The following KIF5C variants were observed in gnomAD, a reference collection of about 807,000 sequenced individuals.
KIF5C encodes the protein kinesin heavy chain isoform 5C.
KIF5C carries 18 observed loss-of-function variants against 125.2 expected under a neutral mutation model. That is an observed-to-expected ratio of 0.14 (90% CI 0.10 to 0.21). The LOEUF (loss-of-function observed/expected upper bound fraction) is 0.21, where lower values mean the gene tolerates loss of function less well. Among genes scored for constraint, KIF5C ranks in the 10% least tolerant of loss-of-function variants. KIF5C has a pLI of 1.00. For synonymous variants in KIF5C, 405 were observed against 434.0 expected, an observed-to-expected ratio of 0.93 and a Z score of 0.83; for missense variants, 780 against 1,183.8, an observed-to-expected ratio of 0.66 and a Z score of 5.01.
chr2:148,965,891 G>A (rs1683038901), intron 11 of KIF5C, among the ~76,000 whole-genome samples: 1 of 152,012 alleles, frequency 6.6e-6, no homozygotes, highest in Non-Finnish European at 1.5e-5. Flanking sequence ...TAAATATCAC[G>A]CCAAAAAAAG....
At chr2:148,981,191 A>AT (rs1558930472) in intron 13 of KIF5C, among the ~76,000 whole-genome samples, 164 bp from the exon 14 acceptor site, 2 of 152,110 alleles carry the variant, frequency 1.3e-5, no homozygotes, top group Non-Finnish European at 2.9e-5. Context: ...TTTTTCTTTT[A>AT]TTTTTTTATC....
intron 25 of KIF5C, among the ~76,000 whole-genome samples, chr2:149,018,881 G>T (rs996716896): frequency 1.3e-5 from 2 of 151,322 alleles, no homozygotes; most frequent in African/African-American, 2.4e-5. Context: ...TATATATATG[G>T]GTTATATTTA....
chr2:148,904,404 C>T (rs1361509275), intron 1 of KIF5C, among the ~76,000 whole-genome samples: 1 of 152,166 alleles, frequency 6.6e-6, no homozygotes, highest in Non-Finnish European at 1.5e-5. Flanking sequence ...ATAACAGCAT[C>T]GATCTCACGA....
intron 10 of KIF5C, among the ~76,000 whole-genome samples, chr2:148,958,445 C>T (rs1682850006): frequency 6.6e-6 from 1 of 152,144 alleles, no homozygotes; most frequent in Non-Finnish European, 1.5e-5. Flanking sequence ...TGATGTTAAA[C>T]ACCTTTTCAG....
rs1013040737 is a variant in KIF5C, at chr2:149,025,722, G to T, written c.*2652G>T. 1 of 152,268 alleles carries T rather than the reference G, an allele frequency of 6.6e-6. No individual in the cohort carries two copies. Among genetic ancestry groups the T allele is most frequent in the African/African-American group, 2.4e-5 (1 of 41,460 alleles). 9.4% of individuals were successfully genotyped at this position (152,268 alleles called of 1,614,324 possible). A position where few individuals can be genotyped will look rare whatever the true frequency, so the allele number is the denominator to read the frequency against. On this transcript the variant is annotated 3_prime_UTR_variant, in exon 26 of 26. Transcript: ENST00000435030. ...ATGAATAATCTTTATCTGCAGGATG[G>T]TGGATTGGTAAATTAGGAGAATGTT... is the stretch of plus-strand genomic sequence containing the variant.
At position 148,978,912 on chromosome 2, in the gene KIF5C, T is replaced by G; in HGVS notation, c.1294-10T>G. 1 of 1,582,152 alleles carries G rather than the reference T, an allele frequency of 6.3e-7. No individual in the cohort carries two copies. The highest frequency in any genetic ancestry group is 1.2e-5 in the South Asian group (1 of 84,164). On this transcript the variant is annotated splice_polypyrimidine_tract_variant and intron_variant, in intron 12 of 25. Transcript: ENST00000435030. ...CTAACCAAAAAAACAAACATGATGT[T>G]TCGTTTCAGGATGATGAAATTAACC...
intron 11 of KIF5C, among the ~76,000 whole-genome samples, chr2:148,962,360 G>A (rs1321576016): frequency 2.1e-5 from 3 of 142,990 alleles, no homozygotes; most frequent in Non-Finnish European, 4.5e-5. Flanking sequence ...TTTTTTTTTA[G>A]TAGAGATGAG....
chr2:148,877,611 C>G (rs1475856045), intron 1 of KIF5C, among the ~76,000 whole-genome samples: 1 of 152,204 alleles, frequency 6.6e-6, no homozygotes, highest in Non-Finnish European at 1.5e-5. Context: ...TAGTCCCTGC[C>G]CCTTGGCTTG....
chr2:148,936,706 T>G (rs1574767239), intron 3 of KIF5C, among the ~76,000 whole-genome samples: 1 of 152,346 alleles, frequency 6.6e-6, no homozygotes, highest in East Asian at 1.9e-4. Context: ...AGCTAAAAAT[T>G]ATTTGGAACA....
chr2:148,908,969 A>C (rs897277235), intron 1 of KIF5C, among the ~76,000 whole-genome samples: 8 of 152,206 alleles, frequency 5.3e-5, no homozygotes, highest in African/African-American at 1.9e-4. Context: ...ATACCAGCCA[A>C]ATTTCACCTG....
intron 11 of KIF5C, among the ~76,000 whole-genome samples, chr2:148,966,988 A>G (rs949145411): frequency 2.0e-5 from 3 of 152,184 alleles, no homozygotes; most frequent in Non-Finnish European, 4.4e-5. Context: ...GTACTTTCTT[A>G]TAGCAGCTCC....
rs927372060 is a variant in KIF5C, at chr2:148,946,940, A to G, written c.631A>G (p.Ile211Val). ...CTCTAGAAGTCACAGTATCTTCCTG[A>G]TAAATATTAAACAAGAGAATGTAGA... is the stretch of plus-strand genomic sequence containing the variant. ...HSSRSHSIFL[I>V]NIKQENVETE... Residue 211 changes from isoleucine (I) to valine (V), a missense_variant, in exon 8 of 26, where the codon ATA becomes GTA. Coordinates refer to ENST00000435030, the MANE Select transcript of KIF5C (RefSeq NM_004522.3). 8.1e-6 allele frequency: 13 copies of G among 1,613,200 alleles called. No homozygotes were observed. Among genetic ancestry groups the G allele is most frequent in the African/African-American group, 1.3e-5 (1 of 74,868 alleles).
At chr2:148,926,483 G>A (rs1233338342) in intron 2 of KIF5C, among the ~76,000 whole-genome samples, 1 of 152,250 alleles carries the variant, frequency 6.6e-6, no homozygotes, top group Non-Finnish European at 1.5e-5. Context: ...CCAGGAGCGG[G>A]CACTGGACGT....
chr2:148,987,556 G>A (rs925059605), intron 15 of KIF5C, among the ~76,000 whole-genome samples: 8 of 152,172 alleles, frequency 5.3e-5, no homozygotes, highest in African/African-American at 1.9e-4. Context: ...AAAGCCTAAT[G>A]CTGATTGGCG....
In KIF5C at chr2:149,026,246, A is replaced by G. The variant is rs1682683885; in HGVS notation, c.*3176A>G. On this transcript the variant is annotated 3_prime_UTR_variant, in exon 26 of 26. Coordinates refer to ENST00000435030, the MANE Select transcript of KIF5C (RefSeq NM_004522.3). ...TGAGCAAGCTAAAGAAACCATCATAATCTAAAATTGCTTCATTTAACACTA... is the reference window on the plus strand; with the variant it reads ...TGAGCAAGCTAAAGAAACCATCATAGTCTAAAATTGCTTCATTTAACACTA... 6.6e-6 allele frequency: 1 copy of G among 152,262 alleles called. No homozygotes were observed. Among genetic ancestry groups the G allele is most frequent in the African/African-American group, 2.4e-5 (1 of 41,454 alleles). 9.4% of individuals were successfully genotyped at this position (152,262 alleles called of 1,614,324 possible). A position where few individuals can be genotyped will look rare whatever the true frequency, so the allele number is the denominator to read the frequency against.
intron 21 of KIF5C, among the ~76,000 whole-genome samples, chr2:149,003,423 A>T (rs969961926): frequency 2.0e-5 from 3 of 152,246 alleles, no homozygotes; most frequent in Non-Finnish European, 4.4e-5. Context: ...TGGCTGGAAC[A>T]GGACACTGTC....
At chr2:148,985,121 G>A (rs1399691098) in intron 15 of KIF5C, among the ~76,000 whole-genome samples, 1 of 152,110 alleles carries the variant, frequency 6.6e-6, no homozygotes, top group Non-Finnish European at 1.5e-5. Flanking sequence ...TGTTGACAGC[G>A]AGAAAGTAAG....
chr2:148,894,547 A>G (rs1002845129), intron 1 of KIF5C, among the ~76,000 whole-genome samples: 2 of 152,066 alleles, frequency 1.3e-5, no homozygotes, highest in African/African-American at 4.8e-5. Context: ...GAAATAAGAG[A>G]CTTCCTTCCT....
At position 149,026,755 on chromosome 2, in the gene KIF5C, C is replaced by T; in HGVS notation, c.*3685C>T. 6.6e-6 allele frequency: 1 copy of T among 152,596 alleles called. No homozygotes were observed. The highest frequency in any genetic ancestry group is 1.9e-4 in the East Asian group (1 of 5,206). 9.5% of individuals were successfully genotyped at this position (152,596 alleles called of 1,614,324 possible). ...AAGTGGAAAATAAAATTGAATTAAA[C>T]TTTGGCTGGTCTGTTTCTCCTTATT... On this transcript the variant is annotated 3_prime_UTR_variant, in exon 26 of 26. Coordinates refer to ENST00000435030, the MANE Select transcript of KIF5C (RefSeq NM_004522.3).
Sources: gnomAD v4.1 joint callset for allele counts (sites outside exome capture counted in the v4.1 genomes callset) on GRCh38, gnomAD v4.1.1 for gene constraint, MANE v1.5 for transcripts, NCBI Gene and HGNC (gene_info 2026-07-23, HGNC 2026-07-21) for gene names.